WASL: variants seen among roughly 807,000 people sequenced by gnomAD.
The protein encoded by WASL is WASP like actin nucleation promoting factor, also known as actin nucleation-promoting factor WASL.
WASL carries 20 observed loss-of-function variants against 55.5 expected under a neutral mutation model. The ratio of observed to expected loss-of-function variants is 0.36; its 90% CI spans 0.25 to 0.52. The LOEUF is 0.52. Among genes scored for constraint, WASL ranks in the 20% least tolerant of loss-of-function variants. The pLI is 0.92. For synonymous variants in WASL, 249 were observed against 217.6 expected, an observed-to-expected ratio of 1.14 and a Z score of -1.27; for missense variants, 504 against 622.5, an observed-to-expected ratio of 0.81 and a Z score of 2.03.
At chr7:123,747,115 G>A (rs761253985) in intron 1 of WASL, among the ~76,000 whole-genome samples, 3 of 151,726 alleles carry the variant, frequency 2.0e-5, no homozygotes, top group Admixed American at 6.6e-5. Flanking sequence ...ATCAGTAACA[G>A]GAAAAAAAAA....
chr7:123,746,856 C>T (rs58313421), intron 1 of WASL, among the ~76,000 whole-genome samples: 1 of 152,156 alleles, frequency 6.6e-6, no homozygotes, highest in Non-Finnish European at 1.5e-5. Context: ...TCCTTTCTGC[C>T]TAAAGTTAAT....
At chr7:123,741,654 T>C (rs1804344177) in intron 1 of WASL, among the ~76,000 whole-genome samples, 1 of 152,184 alleles carries the variant, frequency 6.6e-6, no homozygotes, top group African/African-American at 2.4e-5. Context: ...CCATTAATAT[T>C]ATTTATTTAA....
chr7:123,740,440 G>C (rs146122881), intron 1 of WASL, among the ~76,000 whole-genome samples: 6 of 149,210 alleles, frequency 4.0e-5, no homozygotes, highest in African/African-American at 1.5e-4. Flanking sequence ...TACTAACATA[G>C]ATGCAATAAA....
intron 10 of WASL, among the ~76,000 whole-genome samples, chr7:123,686,836 G>A (rs1281793101): frequency 6.6e-6 from 1 of 152,060 alleles, no homozygotes; most frequent in Non-Finnish European, 1.5e-5. Flanking sequence ...AAGAATTTAG[G>A]TAATTTTCAC....
At chr7:123,717,536 A>C (rs567862068) in intron 1 of WASL, among the ~76,000 whole-genome samples, 1 of 152,320 alleles carries the variant, frequency 6.6e-6, no homozygotes, top group Non-Finnish European at 1.5e-5. Flanking sequence ...AAGGATTTGC[A>C]TGAGTGTTGC....
Position 123,683,651 on chromosome 7 carries a change from GT to G in WASL, c.*867del, listed in dbSNP as rs981986028. 1 of 151,862 alleles carries G rather than the reference GT, an allele frequency of 6.6e-6. No homozygotes were observed. The highest frequency in any genetic ancestry group is 1.5e-5 in the Non-Finnish European group (1 of 67,912). The allele number at this position is 151,862 out of a possible 1,614,324, so 9.4% of individuals were successfully genotyped here. On this transcript the variant is annotated 3_prime_UTR_variant, in exon 11 of 11. Coordinates refer to ENST00000223023, the MANE Select transcript of WASL (RefSeq NM_003941.4). ...TTTTAGTACTATTCTGATTTGTATA[GT>G]TTTTTTAACCAAATATTGGAGTTAC...
chr7:123,708,952 A>C (rs762992647), intron 2 of WASL, 137 bp downstream of exon 2: 15 of 823,584 alleles, frequency 1.8e-5, no homozygotes, highest in Non-Finnish European at 2.5e-5. Flanking sequence ...ATATCTAAAA[A>C]CCAAGCTTCA....
intron 1 of WASL, among the ~76,000 whole-genome samples, chr7:123,715,983 G>A (rs958764301): frequency 6.6e-6 from 1 of 152,160 alleles, no homozygotes; most frequent in African/African-American, 2.4e-5. Context: ...TGAGGACACT[G>A]TGTTAAAAGG....
chr7:123,746,434 A>G (rs1414187855), intron 1 of WASL, among the ~76,000 whole-genome samples: 1 of 152,236 alleles, frequency 6.6e-6, no homozygotes, highest in Non-Finnish European at 1.5e-5. Context: ...TGGATTTATT[A>G]TGAGACAATA....
At chr7:123,735,131 CAA>C (rs36043723) in intron 1 of WASL, among the ~76,000 whole-genome samples, 1,476 of 111,232 alleles carry the variant, frequency 0.013, 26 homozygotes, top group African/African-American at 0.047. Context: ...AGTGTCTGAC[CAA>C]AAAAAAAAAA....
intron 9 of WASL, among the ~76,000 whole-genome samples, chr7:123,690,662 T>C (rs371313450): frequency 6.6e-6 from 1 of 152,042 alleles, no homozygotes; most frequent in Non-Finnish European, 1.5e-5. Context: ...GAGAAAGTTA[T>C]GGAGAAAGTA....
intron 1 of WASL, among the ~76,000 whole-genome samples, chr7:123,744,931 T>C (rs1255618096): frequency 6.6e-6 from 1 of 152,208 alleles, no homozygotes; most frequent in Non-Finnish European, 1.5e-5. Flanking sequence ...CATGTATTTA[T>C]GTATTACAAT....
chr7:123,694,538 T>A (rs1352171880), intron 8 of WASL, among the ~76,000 whole-genome samples, 177 bp downstream of exon 8: 3 of 152,164 alleles, frequency 2.0e-5, no homozygotes, highest in Non-Finnish European at 4.4e-5. Flanking sequence ...CTTGTAAAGT[T>A]TTTTTAGTTA....
At chr7:123,733,719 T>C (rs2116818244) in intron 1 of WASL, among the ~76,000 whole-genome samples, 1 of 152,236 alleles carries the variant, frequency 6.6e-6, no homozygotes, top group South Asian at 2.1e-4. Context: ...CTTCAAGACT[T>C]ACTATAAAGC....
At chr7:123,690,958 G>A (rs531457844) in intron 9 of WASL, among the ~76,000 whole-genome samples, 1 of 152,088 alleles carries the variant, frequency 6.6e-6, no homozygotes, top group African/African-American at 2.4e-5. Flanking sequence ...GCTCTTGACA[G>A]GCCTTTAGTC....
chr7:123,714,784 G>C lies in WASL; in HGVS notation c.118-5561C>G, dbSNP rs576190887. On this transcript the variant is annotated intron_variant, in intron 1 of 10. Coordinates refer to ENST00000223023, the MANE Select transcript of WASL (RefSeq NM_003941.4). ...TTAATAACTATTAAAATGCTACTAG[G>C]AAAAATTAGTATGCAAGAAAAATGT... 9.6e-4 allele frequency among the ~76,000 whole-genome samples: 146 copies of C among 152,250 alleles called. 5 individuals carry two copies. The South Asian group carries it at 0.029, about 30-fold the overall frequency.
chr7:123,730,957 C>G (rs958573370), intron 1 of WASL, among the ~76,000 whole-genome samples: 1 of 152,094 alleles, frequency 6.6e-6, no homozygotes, highest in African/African-American at 2.4e-5. Flanking sequence ...TCCTACCCCC[C>G]ACCCTCAAGT....
intron 4 of WASL, 72 bp downstream of exon 4, chr7:123,706,205 C>T: frequency 7.3e-7 from 1 of 1,368,142 alleles, no homozygotes. Context: ...TTACAAAAAA[C>T]AGGAAATGGA....
At chr7:123,712,371 C>A (rs904775335) in intron 1 of WASL, among the ~76,000 whole-genome samples, 1 of 152,102 alleles carries the variant, frequency 6.6e-6, no homozygotes, top group African/African-American at 2.4e-5. Flanking sequence ...TTGTTAAAAA[C>A]TACATGTTCT....
Sources: allele counts gnomAD v4.1 joint callset (sites outside exome capture counted in the v4.1 genomes callset), GRCh38; gene constraint gnomAD v4.1.1; transcripts MANE v1.5; gene names NCBI Gene and HGNC (gene_info 2026-07-23, HGNC 2026-07-21).